The following SDK1 variants were observed in gnomAD, a reference collection of about 807,000 sequenced individuals.
SDK1 encodes sidekick cell adhesion molecule 1, also known as protein sidekick-1.
A neutral mutation model predicts 245.5 loss-of-function variants in SDK1; 157 were observed. That is an observed-to-expected ratio of 0.64 (90% CI 0.56 to 0.73). The LOEUF is 0.73. Among genes scored for constraint, SDK1 ranks in the 30% least tolerant of loss-of-function variants. The pLI, the probability that SDK1 is intolerant of heterozygous loss-of-function variation, is 0.00. For missense variants in SDK1, 3,583 were observed against 3,002.3 expected (o/e 1.19, Z -4.52); for synonymous variants, 1,647 against 1,278.5 (o/e 1.29, Z -6.15).
At chr7:4,031,184 T>C (rs34241728) in intron 17 of SDK1, among the ~76,000 whole-genome samples, 44,454 of 152,132 alleles carry the variant, frequency 0.29, 9,619 homozygotes, top group African/African-American at 0.61. Flanking sequence ...TGTACATGTA[T>C]ATATACACGT....
At chr7:3,586,704 CAA>C (rs57309941) in intron 1 of SDK1, among the ~76,000 whole-genome samples, 44 of 82,146 alleles carry the variant, frequency 5.4e-4, no homozygotes, top group Admixed American at 1.1e-3. Flanking sequence ...GACTCCGTCT[CAA>C]AAAAAAAAAA....
chr7:3,602,704 G>T (rs1408731738), intron 1 of SDK1, among the ~76,000 whole-genome samples: 3 of 151,908 alleles, frequency 2.0e-5, no homozygotes, highest in Non-Finnish European at 2.9e-5. Flanking sequence ...GTCAATTTTG[G>T]CTTTTGTTGC....
At chr7:3,329,137 CAAATT>C (rs1157286804) in intron 1 of SDK1, among the ~76,000 whole-genome samples, 9 of 151,948 alleles carry the variant, frequency 5.9e-5, no homozygotes, top group East Asian at 1.9e-4. Context: ...TTGTTAATGA[CAAATT>C]AAATTTGAAG....
At chr7:3,480,502 C>T (rs759735059) in intron 1 of SDK1, among the ~76,000 whole-genome samples, 9 of 152,028 alleles carry the variant, frequency 5.9e-5, no homozygotes, top group East Asian at 1.9e-4. Flanking sequence ...TAGGAACTAC[C>T]GGAAGAACTT....
chr7:3,525,233 G>A (rs1783082292), intron 1 of SDK1, among the ~76,000 whole-genome samples: 1 of 151,974 alleles, frequency 6.6e-6, no homozygotes. Flanking sequence ...GATCCCAAGG[G>A]ATGACTGTAT....
chr7:4,020,232 G>A (rs1163518382), intron 17 of SDK1, among the ~76,000 whole-genome samples: 1 of 152,122 alleles, frequency 6.6e-6, no homozygotes, highest in Admixed American at 6.5e-5. Flanking sequence ...CTATCCCTTG[G>A]ACGTGGCTGG....
rs200566565 is a variant in SDK1, at chr7:4,114,075, C to T, written c.3624C>T (p.Ser1208=). 1.2e-5 allele frequency: 20 copies of T among 1,614,088 alleles called. No individual in the cohort carries two copies. Among genetic ancestry groups the T allele is most frequent in the Middle Eastern group, 1.6e-4 (1 of 6,074 alleles). The part of the protein sequence containing the change: ...PDSQYNGNPE[S]VGYRIKYWRS... ...CTCAGTACAACGGGAACCCCGAGTC[C>T]GTGGGCTACAGGATTAAGTACTGGC... The change falls in exon 25 of 45, where the codon TCC becomes TCT. Residue 1208 remains serine, a synonymous_variant. Coordinates refer to ENST00000404826, the MANE Select transcript of SDK1 (RefSeq NM_152744.4).
At chr7:4,046,180 G>C (rs961841878) in intron 17 of SDK1, among the ~76,000 whole-genome samples, 1 of 151,800 alleles carries the variant, frequency 6.6e-6, no homozygotes, top group African/African-American at 2.4e-5. Context: ...GGCCTCAAGC[G>C]ATCCTCCTAC....
At chr7:4,063,259 A>G (rs1336086311) in intron 19 of SDK1, among the ~76,000 whole-genome samples, 2 of 152,242 alleles carry the variant, frequency 1.3e-5, no homozygotes, top group Non-Finnish European at 1.5e-5. Flanking sequence ...AGGTTGCAGG[A>G]TACAATAGCA....
Position 3,968,978 on chromosome 7 carries a change from A to G in SDK1, c.1547-279A>G, listed in dbSNP as rs191197018. Among the ~76,000 whole-genome samples the G allele has an allele frequency of 1.6e-3, 238 of 152,308 alleles. 2 individuals carry two copies. In the Middle Eastern group the frequency reaches 0.034, roughly 22 times the overall value. On this transcript the variant is annotated intron_variant, in intron 10 of 44. Transcript: ENST00000404826. The stretch of plus-strand genomic sequence containing the variant: ...AGCAGGCGCATCTCACAAGGCTGCA[A>G]GAGAGAGAAAGAGCAAAGGGGGAAG...
chr7:4,208,036 G>T, intron 36 of SDK1, 63 bp from the exon 37 acceptor site: 2 of 1,281,242 alleles, frequency 1.6e-6, no homozygotes, highest in East Asian at 2.3e-5. Context: ...CTTACACTCA[G>T]TGGCCCCCGC....
intron 35 of SDK1, among the ~76,000 whole-genome samples, chr7:4,180,902 T>C (rs1782567723): frequency 6.6e-6 from 1 of 152,152 alleles, no homozygotes; most frequent in Non-Finnish European, 1.5e-5. Flanking sequence ...TTGGGGATTA[T>C]AGCTCAACAT....
chr7:3,946,836 T>C (rs537375589), intron 5 of SDK1, among the ~76,000 whole-genome samples: 9 of 152,296 alleles, frequency 5.9e-5, no homozygotes, highest in Middle Eastern at 3.4e-3. Flanking sequence ...GGGAGCTGGG[T>C]AGATTGCCTT....
intron 40 of SDK1, among the ~76,000 whole-genome samples, chr7:4,225,142 G>A (rs1005133422): frequency 3.3e-5 from 5 of 152,080 alleles, no homozygotes; most frequent in South Asian, 2.1e-4. Context: ...GTCACAGAAG[G>A]AGGCATTCTG....
chr7:3,819,776 GAATAAGC>G (rs1779597367), intron 4 of SDK1, among the ~76,000 whole-genome samples: 1 of 152,076 alleles, frequency 6.6e-6, no homozygotes, highest in East Asian at 1.9e-4. Flanking sequence ...TGGGAACCCT[GAATAAGC>G]AATAACTTCT....
At chr7:4,046,715 G>C (rs749276718) in intron 17 of SDK1, among the ~76,000 whole-genome samples, 2 of 152,076 alleles carry the variant, frequency 1.3e-5, no homozygotes, top group African/African-American at 2.4e-5. Flanking sequence ...TACAGTAAAG[G>C]TTATCCAAAT....
intron 1 of SDK1, among the ~76,000 whole-genome samples, chr7:3,524,732 TTAGG>T (rs1177441212): frequency 1.3e-4 from 20 of 151,930 alleles, no homozygotes; most frequent in Admixed American, 2.0e-4. Context: ...GAGAAGTCTG[TTAGG>T]TAGCCAGAAG....
At chr7:3,850,187 C>T (rs555682214) in intron 5 of SDK1, among the ~76,000 whole-genome samples, 2 of 152,180 alleles carry the variant, frequency 1.3e-5, no homozygotes, top group African/African-American at 4.8e-5. Context: ...TCTGGCCCTG[C>T]CACTCATCAG....
At chr7:4,192,931 T>G (rs1783294287) in intron 35 of SDK1, among the ~76,000 whole-genome samples, 1 of 150,174 alleles carries the variant, frequency 6.7e-6, no homozygotes, top group African/African-American at 2.5e-5. Flanking sequence ...TTACCATATA[T>G]CCCTATAATA....
Sources: allele counts gnomAD v4.1 joint callset (sites outside exome capture counted in the v4.1 genomes callset), GRCh38; gene constraint gnomAD v4.1.1; transcripts MANE v1.5; gene names NCBI Gene and HGNC (gene_info 2026-07-23, HGNC 2026-07-21).